Variants in TTN observed in about 807,000 individuals in gnomAD.
TTN encodes the protein titin.
Under a neutral mutation model 3,223.0 loss-of-function variants are expected in TTN, and 1,525 were observed. The ratio of observed to expected loss-of-function variants is 0.47; its 90% CI spans 0.45 to 0.49. The LOEUF (loss-of-function observed/expected upper bound fraction) is 0.49. TTN is among the 20% of genes least tolerant of loss of function. The probability of loss-of-function intolerance (pLI) is 0.00; values close to 1 mark genes in which losing one functional copy is unlikely to be tolerated. For synonymous variants in TTN, 14,094 were observed against 15,161.0 expected (o/e 0.93, Z 5.17); for missense variants, 40,786 against 43,424.0 (o/e 0.94, Z 5.40).
At position 178,780,071 on chromosome 2, in the gene TTN, T is replaced by C; in HGVS notation, c.3658A>G (p.Lys1220Glu). Residue 1220 changes from lysine (K) to glutamate (E), a missense_variant, in exon 22 of 363, where the codon AAA becomes GAA. Physicochemically the swap from Lys to Glu is moderately conservative, Grantham distance 56. Transcript: ENST00000589042. ...VYSEYEKEYE[K>E]EQALIRKKMA... The stretch of plus-strand genomic sequence containing the variant: ...TTCTTCCTAATTAAGGCTTGTTCTT[T>C]TTCATACTCTTTTTCATACTCAGAG... 1 of 1,613,516 alleles carries C rather than the reference T, an allele frequency of 6.2e-7. No individual in the cohort carries two copies. The highest frequency in any genetic ancestry group is 8.5e-7 in the Non-Finnish European group (1 of 1,179,568).
chr2:178,649,983 T>C, intron 210 of TTN, 89 bp from the exon 211 acceptor site: 1 of 1,456,244 alleles, frequency 6.9e-7, no homozygotes, highest in Non-Finnish European at 9.4e-7. Flanking sequence ...ACATATTTCT[T>C]GGTATATGTG....
In TTN at chr2:178,552,259, G is replaced by A. The variant is rs1476886786; in HGVS notation, c.90641C>T (p.Ala30214Val). ...AAGGGTGATGACTGTAATGGGGACTGCAATTCTACACACTGCATTATCAAG... is the reference window on the plus strand; with the variant it reads ...AAGGGTGATGACTGTAATGGGGACTACAATTCTACACACTGCATTATCAAG... Reference protein sequence around the residue: ...VILDNAVCRIAVPITVITLGP... With the variant: ...VILDNAVCRIVVPITVITLGP... Residue 30214 changes from alanine (A) to valine (V), a missense_variant, in exon 335 of 363, where the codon GCA (alanine) becomes GTA (valine). Ala to Val is a moderately conservative substitution (Grantham distance 64). Transcript: ENST00000589042. The A allele has an allele frequency of 1.9e-6, 3 of 1,613,376 alleles. No homozygotes were observed. The highest frequency in any genetic ancestry group is 2.5e-6 in the Non-Finnish European group (3 of 1,179,564).
chr2:178,542,617 G>A, intron 348 of TTN, 45 bp downstream of exon 348: 1 of 1,597,340 alleles, frequency 6.3e-7, no homozygotes, highest in South Asian at 1.1e-5. Context: ...TCAAAATTGG[G>A]TGACTGAACA....
At chr2:178,747,742 A>AT (rs1340429418) in intron 47 of TTN, 1 of 1,611,558 alleles carries the variant, frequency 6.2e-7, no homozygotes, top group Admixed American at 1.7e-5. Context: ...ATTTAGGAAT[A>AT]TTTTGAGAAA....
intron 210 of TTN, 113 bp downstream of exon 210, chr2:178,650,051 T>C: frequency 7.6e-7 from 1 of 1,307,786 alleles, no homozygotes; most frequent in African/African-American, 1.5e-5. Context: ...GTTCTTAATG[T>C]AGTCAGATTT....
chr2:178,574,343 T>A lies in TTN; in HGVS notation c.71789A>T (p.Lys23930Ile), dbSNP rs752648041. ...TCTTGTAATATTTAGAGGTACTGGT[T>A]TTCCAGGTGGGTCAATGGGATCCAG... ...LALDPIDPPG[K>I]PVPLNITRHT... is the part of the protein sequence containing the mutation. Residue 23930 changes from lysine (K) to isoleucine (I), a missense_variant, in exon 326 of 363, where the codon AAA (lysine) becomes ATA (isoleucine). Transcript: ENST00000589042. 80 of 1,613,488 alleles carry A rather than the reference T, an allele frequency of 5.0e-5. No individual in the cohort carries two copies. Among genetic ancestry groups the A allele is most frequent in the Middle Eastern group, 1.6e-4 (1 of 6,076 alleles).
intron 24 of TTN, chr2:178,778,198 T>G (rs7570526): frequency 1.7e-6 from 1 of 583,516 alleles, no homozygotes; most frequent in Non-Finnish European, 3.0e-6. Flanking sequence ...TCATTCAGTA[T>G]ATCCAGGTAC....
rs1461879921 is a variant in TTN, at chr2:178,543,678, A to G, written c.96311-16T>C. ...CCAGGAGTATCTGAAAAACAGAATG[A>G]AAGATTCATATTTCCTATTTGCCTG... On this transcript the variant is annotated splice_polypyrimidine_tract_variant and intron_variant, in intron 346 of 362. Transcript: ENST00000589042. 6.4e-7 allele frequency: 1 copy of G among 1,558,292 alleles called. No individual in the cohort carries two copies. Among genetic ancestry groups the G allele is most frequent in the South Asian group, 1.2e-5 (1 of 84,060 alleles).
intron 12 of TTN, 102 bp from the exon 13 acceptor site, chr2:178,789,599 G>A: frequency 6.9e-7 from 1 of 1,449,350 alleles, no homozygotes; most frequent in Non-Finnish European, 9.5e-7. Context: ...TGGTTATTCA[G>A]GGTTAAATAC....
At chr2:178,684,224 ACAT>A (rs2070213096) in intron 132 of TTN, 103 bp downstream of exon 132, 11 of 1,139,890 alleles carry the variant, frequency 9.7e-6, no homozygotes, top group East Asian at 3.3e-5. Context: ...AACAACAACA[ACAT>A]CAACAACAAC....
Position 178,577,248 on chromosome 2 carries a change from C to T in TTN, c.69087G>A (p.Lys23029=), listed in dbSNP as rs879204119. 6.2e-6 allele frequency: 10 copies of T among 1,612,840 alleles called. No homozygotes were observed. Among genetic ancestry groups the T allele is most frequent in the Non-Finnish European group, 7.6e-6 (9 of 1,179,472 alleles). The change falls in exon 324 of 363, where the codon AAG becomes AAA. Residue 23029 remains lysine (K), a synonymous_variant. Transcript: ENST00000589042. ...TITATNPFGT[K]VEHVKVTVLD... Reference sequence around the variant, plus strand: ...GGACTGTTACCTTCACATGTTCCACCTTCGTGCCAAAAGGATTGGTAGCAG... The same window carrying T: ...GGACTGTTACCTTCACATGTTCCACTTTCGTGCCAAAAGGATTGGTAGCAG...
In TTN at chr2:178,597,932, C is replaced by T. The variant is rs776003685; in HGVS notation, c.57238G>A (p.Val19080Ile). Residue 19080 changes from valine to isoleucine, a missense_variant, in exon 293 of 363, where the codon GTC becomes ATC. Physicochemically the swap from Val to Ile is conservative, Grantham distance 29. Transcript: ENST00000589042. ...GIGEPGEVTD[V>I]IEMKDRLVSP... Reference sequence around the variant, plus strand: ...CCAAGTCTGTCCTTCATTTCAATGACATCTGTGACCTCTCCAGGTTCTCCA... The same window carrying T: ...CCAAGTCTGTCCTTCATTTCAATGATATCTGTGACCTCTCCAGGTTCTCCA... 3 of 1,613,172 alleles carry T rather than the reference C, an allele frequency of 1.9e-6. No homozygotes were observed. Among genetic ancestry groups the T allele is most frequent in the African/African-American group, 2.7e-5 (2 of 74,906 alleles).
At chr2:178,715,863 G>A in intron 88 of TTN, 89 bp from the exon 89 acceptor site, 15 of 1,346,960 alleles carry the variant, frequency 1.1e-5, no homozygotes, top group Non-Finnish European at 1.5e-5. Flanking sequence ...CTTTGCTAGA[G>A]AGGTCTTTAG....
At chr2:178,529,398 A>C (rs1688036023) in intron 359 of TTN, 179 bp from the exon 360 acceptor site, 1 of 471,578 alleles carries the variant, frequency 2.1e-6, no homozygotes, top group African/African-American at 2.0e-5. Context: ...GTGACTTTTG[A>C]GATCACTGTA....
At chr2:178,712,266 C>T (rs374472828) in intron 95 of TTN, 44 bp from the exon 96 acceptor site, 1 of 1,608,176 alleles carries the variant, frequency 6.2e-7, no homozygotes, top group Non-Finnish European at 8.5e-7. Context: ...AGGAGACATG[C>T]CAGATCATCG....
Position 178,706,754 on chromosome 2 carries a change from A to G in TTN, c.29135-15T>C, listed in dbSNP as rs764332679. The G allele has an allele frequency of 1.9e-6, 3 of 1,600,080 alleles. No homozygotes were observed. The Admixed American group carries it at 5.2e-5, about 28-fold the overall frequency. ...CGCAGTGGTTTCTAAGGAATAATGA[A>G]AACAAGTGAATAAAAATTTAATTTT... On this transcript the variant is annotated splice_polypyrimidine_tract_variant and intron_variant, in intron 101 of 362. Coordinates refer to ENST00000589042, the MANE Select transcript of TTN (RefSeq NM_001267550.2).
intron 34 of TTN, 86 bp downstream of exon 34, chr2:178,771,125 C>A (rs1232756010): frequency 6.3e-7 from 1 of 1,590,114 alleles, no homozygotes; most frequent in Non-Finnish European, 8.6e-7. Context: ...TTATGGTATC[C>A]AAAATGGCCA....
intron 113 of TTN, 141 bp from the exon 114 acceptor site, chr2:178,696,410 C>A: frequency 3.9e-6 from 3 of 774,354 alleles, no homozygotes; most frequent in Non-Finnish European, 3.8e-6. Context: ...GTATTGGTTC[C>A]ATTTAAATTT....
chr2:178,593,843 G>A lies in TTN; in HGVS notation c.58457C>T (p.Pro19486Leu). The A allele has an allele frequency of 6.2e-7, 1 of 1,612,712 alleles. No homozygotes were observed. ...VVDRPGPPVGPVSFDEVTKDY... is the reference protein window; with the variant it reads ...VVDRPGPPVGLVSFDEVTKDY... ...TTTGGTCACCTCATCAAAACTAACT[G>A]GTCCTACTGGTGGTCCAGGACGGTC... The change falls in exon 298 of 363, where the codon CCA (proline) becomes CTA (leucine). Residue 19486 changes from proline (P) to leucine (L), a missense_variant. Physicochemically the swap from Pro to Leu is moderately conservative, Grantham distance 98. Coordinates refer to ENST00000589042, the MANE Select transcript of TTN (RefSeq NM_001267550.2).
Sources: allele counts gnomAD v4.1 joint callset, GRCh38; gene constraint gnomAD v4.1.1; transcripts MANE v1.5; gene names NCBI Gene and HGNC (gene_info 2026-07-23, HGNC 2026-07-21).